CPA6: variants seen among roughly 807,000 people sequenced by gnomAD.
CPA6 encodes the protein carboxypeptidase A6.
A neutral mutation model predicts 63.3 loss-of-function variants in CPA6; 58 were observed. That is an observed-to-expected ratio of 0.92 (90% CI 0.74 to 1.14). CPA6 has a LOEUF of 1.14. Ranked by LOEUF, CPA6 falls within the 50% of genes most tolerant of loss-of-function variation. The pLI is 0.00. For missense variants in CPA6, 565 were observed against 526.6 expected (o/e 1.07, Z -0.71); for synonymous variants, 185 against 179.0 (o/e 1.03, Z -0.27).
chr8:67,598,645 C>T (rs986053017), intron 2 of CPA6, among the ~76,000 whole-genome samples: 1 of 152,004 alleles, frequency 6.6e-6, no homozygotes, highest in African/African-American at 2.4e-5. Flanking sequence ...AATTAGTCTT[C>T]CTGTTATGGC....
intron 1 of CPA6, among the ~76,000 whole-genome samples, chr8:67,718,996 G>C (rs1372254528): frequency 6.6e-6 from 1 of 152,042 alleles, no homozygotes; most frequent in Admixed American, 6.6e-5. Flanking sequence ...CCTTAGGTAG[G>C]GGGAAAAGCT....
intron 1 of CPA6, among the ~76,000 whole-genome samples, chr8:67,741,861 T>C (rs1236996172): frequency 6.6e-6 from 1 of 152,152 alleles, no homozygotes; most frequent in African/African-American, 2.4e-5. Context: ...TGTAATGCAC[T>C]TGAATCATTC....
chr8:67,739,326 C>G (rs1817870914), intron 1 of CPA6, among the ~76,000 whole-genome samples: 1 of 152,172 alleles, frequency 6.6e-6, no homozygotes, highest in South Asian at 2.1e-4. Flanking sequence ...AAACAATCAG[C>G]ACTTAGGGGC....
chr8:67,557,826 C>G (rs73692160), intron 2 of CPA6, among the ~76,000 whole-genome samples: 10,030 of 152,220 alleles, frequency 0.066, 557 homozygotes, highest in African/African-American at 0.14. Flanking sequence ...AGAAACTAGC[C>G]TTCTAGTCAA....
At chr8:67,596,108 T>G (rs2128982306) in intron 2 of CPA6, among the ~76,000 whole-genome samples, 1 of 152,334 alleles carries the variant, frequency 6.6e-6, no homozygotes, top group Admixed American at 6.5e-5. Flanking sequence ...AATCTTTAAT[T>G]TTTGGGAATT....
At chr8:67,742,055 A>G (rs1817922990) in intron 1 of CPA6, among the ~76,000 whole-genome samples, 1 of 152,180 alleles carries the variant, frequency 6.6e-6, no homozygotes, top group South Asian at 2.1e-4. Context: ...TCAAGTTCTC[A>G]GCACACAATG....
intron 1 of CPA6, chr8:67,732,474 G>A (rs1199289879): frequency 6.6e-6 from 1 of 152,126 alleles, no homozygotes; most frequent in South Asian, 2.1e-4. Context: ...TTTGGGGACT[G>A]TAAGAATATA....
At position 67,647,221 on chromosome 8, in the gene CPA6, G is replaced by A. The variant is rs191407617; in HGVS notation, c.117-22970C>T. Among the ~76,000 whole-genome samples the A allele has an allele frequency of 1.4e-4, 21 of 152,264 alleles. 1 individual carries two copies. In the East Asian group the frequency reaches 3.5e-3, roughly 25 times the overall value. ...GAGGAAAAGAGGAGTTACAGAGGAT[G>A]TATGTTTCAATGAGTTTGAGAACAT... On this transcript the variant is annotated intron_variant, in intron 1 of 10. Coordinates refer to ENST00000297770, the MANE Select transcript of CPA6 (RefSeq NM_020361.5).
At chr8:67,722,113 A>G (rs879476902) in intron 1 of CPA6, among the ~76,000 whole-genome samples, 9 of 152,186 alleles carry the variant, frequency 5.9e-5, no homozygotes, top group South Asian at 4.1e-4. Context: ...CTCTGAATCT[A>G]TTGTTTCGGG....
chr8:67,595,155 T>C (rs1814288566), intron 2 of CPA6, among the ~76,000 whole-genome samples: 2 of 152,318 alleles, frequency 1.3e-5, no homozygotes, highest in African/African-American at 4.8e-5. Flanking sequence ...CTCCAGACCC[T>C]GTTTGCCTGG....
rs923468475 is a variant in CPA6 at position 67,705,662 on chromosome 8, C to T, written c.116+40352G>A. Among the ~76,000 whole-genome samples the T allele has an allele frequency of 2.0e-5, 3 of 152,240 alleles. No homozygotes were observed. The East Asian group carries it at 5.8e-4, about 29-fold the overall frequency. ...TGAATTCATCTTTCCCTTTAATAGC[C>T]CTGTTTCTCCTGGGAAAGCTACCTA... On this transcript the variant is annotated intron_variant, in intron 1 of 10. Transcript: ENST00000297770.
At chr8:67,460,009 C>G (rs1393762998) in intron 8 of CPA6, among the ~76,000 whole-genome samples, 1 of 148,770 alleles carries the variant, frequency 6.7e-6, no homozygotes. Flanking sequence ...GAAGTAAAGT[C>G]TTGGGGGGAA....
At chr8:67,563,041 A>G (rs547600236) in intron 2 of CPA6, among the ~76,000 whole-genome samples, 2 of 152,208 alleles carry the variant, frequency 1.3e-5, no homozygotes, top group Non-Finnish European at 2.9e-5. Flanking sequence ...CTCCATAGCA[A>G]TGATCACTGT....
At chr8:67,742,529 AC>A (rs1417402667) in intron 1 of CPA6, among the ~76,000 whole-genome samples, 2 of 152,206 alleles carry the variant, frequency 1.3e-5, no homozygotes, top group African/African-American at 4.8e-5. Flanking sequence ...AATGAGGATA[AC>A]AAATGCATAA....
intron 2 of CPA6, among the ~76,000 whole-genome samples, chr8:67,572,684 A>C (rs1813515724): frequency 6.6e-6 from 1 of 152,238 alleles, no homozygotes; most frequent in South Asian, 2.1e-4. Context: ...TGAAGTCTTC[A>C]TGACTGAATT....
At chr8:67,531,537 T>A (rs1384398493) in intron 2 of CPA6, among the ~76,000 whole-genome samples, 1 of 152,104 alleles carries the variant, frequency 6.6e-6, no homozygotes, top group African/African-American at 2.4e-5. Context: ...ACAGTGAACA[T>A]ATATGAATAT....
intron 8 of CPA6, among the ~76,000 whole-genome samples, chr8:67,463,477 G>A (rs4644225): frequency 0.2 from 25,592 of 129,468 alleles, 2,712 homozygotes; most frequent in African/African-American, 0.48. Context: ...TAAATAAATA[G>A]ATAAATAAAA....
chr8:67,465,393 T>C (rs770868297), intron 8 of CPA6, among the ~76,000 whole-genome samples: 1 of 152,216 alleles, frequency 6.6e-6, no homozygotes, highest in Non-Finnish European at 1.5e-5. Context: ...TCCAGGATGC[T>C]TTTGGTAGAG....
intron 2 of CPA6, among the ~76,000 whole-genome samples, chr8:67,556,064 C>T (rs1813053011): frequency 6.6e-6 from 1 of 152,174 alleles, no homozygotes; most frequent in Non-Finnish European, 1.5e-5. Flanking sequence ...CCAGAGTGAA[C>T]ACCATGCAGA....
Sources: allele counts gnomAD v4.1 joint callset (sites outside exome capture counted in the v4.1 genomes callset), GRCh38; gene constraint gnomAD v4.1.1; transcripts MANE v1.5; gene names NCBI Gene and HGNC (gene_info 2026-07-23, HGNC 2026-07-21).